ACTR1A: variants seen among roughly 807,000 people sequenced by gnomAD.
ACTR1A encodes the protein actin related protein 1A.
ACTR1A carries 10 observed loss-of-function variants against 50.7 expected under a neutral mutation model. The observed-to-expected ratio is 0.20, with a 90% CI of 0.12 to 0.33. The LOEUF is 0.33. Among genes scored for constraint, ACTR1A ranks in the 10% least tolerant of loss-of-function variants. The pLI is 1.00. For synonymous variants in ACTR1A, 177 were observed against 184.2 expected (o/e 0.96, Z 0.32); for missense variants, 253 against 491.7 (o/e 0.51, Z 4.59).
intron 2 of ACTR1A, among the ~76,000 whole-genome samples, chr10:102,490,158 G>A (rs1228212921): frequency 5.3e-5 from 8 of 150,494 alleles, no homozygotes; most frequent in Non-Finnish European, 8.9e-5. Flanking sequence ...GTGTGAACCC[G>A]GGATGCAGAG....
At chr10:102,485,484 A>C in intron 5 of ACTR1A, 125 bp downstream of exon 5, 4 of 1,321,086 alleles carry the variant, frequency 3.0e-6, no homozygotes, top group Non-Finnish European at 4.1e-6. Flanking sequence ...CTTTCCCACC[A>C]TCTTTAACCT....
chr10:102,488,755 T>A lies in ACTR1A; in HGVS notation c.189+308A>T, dbSNP rs1053650944. Reference sequence around the variant, plus strand: ...CACTGAATATTTTTTGTGAAAAAAATAATAAACACAGTAAATTTGATCACT... The same window carrying A: ...CACTGAATATTTTTTGTGAAAAAAAAAATAAACACAGTAAATTTGATCACT... On this transcript the variant is annotated intron_variant, in intron 3 of 10. Transcript: ENST00000369905. The surrounding 1 kb of genome is among the most constrained non-coding windows in gnomAD (Gnocchi z 4.4). Among the ~76,000 whole-genome samples the A allele has an allele frequency of 2.0e-5, 3 of 152,152 alleles. No individual in the cohort carries two copies. Among genetic ancestry groups the A allele is most frequent in the African/African-American group, 7.2e-5 (3 of 41,436 alleles).
At chr10:102,487,451 G>A (rs944466470) in intron 4 of ACTR1A, among the ~76,000 whole-genome samples, 1 of 152,018 alleles carries the variant, frequency 6.6e-6, no homozygotes, top group South Asian at 2.1e-4. Context: ...ATGGTGGGGG[G>A]TGGGGCTGAG....
chr10:102,501,329 C>A (rs1425468308), intron 1 of ACTR1A, among the ~76,000 whole-genome samples: 1 of 152,142 alleles, frequency 6.6e-6, no homozygotes, highest in East Asian at 1.9e-4. Flanking sequence ...TTCCTATCTA[C>A]CTAACAGAGC....
chr10:102,494,800 ATTAATTTTAATT>A (rs568785295), intron 1 of ACTR1A, among the ~76,000 whole-genome samples: 1 of 152,084 alleles, frequency 6.6e-6, no homozygotes, highest in Non-Finnish European at 1.5e-5. Context: ...TCTACAAAAT[ATTAATTTTAATT>A]TTAATTTTAA....
intron 1 of ACTR1A, among the ~76,000 whole-genome samples, chr10:102,494,838 G>C (rs1182474615): frequency 6.6e-6 from 1 of 152,078 alleles, no homozygotes; most frequent in African/African-American, 2.4e-5. Flanking sequence ...TTGAGATGGA[G>C]TCTGGCTCTG....
intron 2 of ACTR1A, 50 bp downstream of exon 2, chr10:102,490,491 CTGGGCCTG>C: frequency 7.0e-7 from 1 of 1,431,068 alleles, no homozygotes; most frequent in Middle Eastern, 1.8e-4. Context: ...CCTTATAGGG[CTGGGCCTG>C]TAACAAAGCT....
At chr10:102,487,341 G>A (rs2135582718) in intron 4 of ACTR1A, among the ~76,000 whole-genome samples, 1 of 152,230 alleles carries the variant, frequency 6.6e-6, no homozygotes, top group African/African-American at 2.4e-5. Flanking sequence ...TTGAATCCGG[G>A]AGGCAGAGGT....
In ACTR1A at chr10:102,483,347, C is replaced by T. The variant is rs2062152684; in HGVS notation, c.658-244G>A. The T allele has an allele frequency of 8.5e-6, 4 of 469,774 alleles. No individual in the cohort carries two copies. In the East Asian group the frequency reaches 1.5e-4, roughly 18 times the overall value. 29.1% of individuals were successfully genotyped at this position (469,774 alleles called of 1,614,324 possible). On this transcript the variant is annotated intron_variant, in intron 6 of 10. Transcript: ENST00000369905. The stretch of plus-strand genomic sequence containing the variant: ...ATGGGCAAGCTTGGAAACTTGGCCC[C>T]TGGATCCTAGGTCTGAGACCACAAC...
In ACTR1A at chr10:102,479,491, G is replaced by A; in HGVS notation, c.*1372C>T. The A allele has an allele frequency of 1.7e-6, 1 of 605,298 alleles. No individual in the cohort carries two copies. Among genetic ancestry groups the A allele is most frequent in the South Asian group, 1.7e-5 (1 of 58,584 alleles). The allele number at this position is 605,298 out of a possible 1,614,324, so 37.5% of individuals were successfully genotyped here. A position where few individuals can be genotyped will look rare whatever the true frequency, so the allele number is the denominator to read the frequency against. On this transcript the variant is annotated 3_prime_UTR_variant, in exon 11 of 11. Transcript: ENST00000369905. This position sits in a 1 kb window ranked among gnomAD's most constrained non-coding sequence, Gnocchi z 4.0. ...GATTGGGGTGGGTCTTGGTGTCACA[G>A]GTGAGGGTGCCGGTGAAGACAGGCT...
In ACTR1A at chr10:102,485,693, T is replaced by C; in HGVS notation, c.356A>G (p.Lys119Arg). 1.2e-6 allele frequency: 2 copies of C among 1,614,098 alleles called. No individual in the cohort carries two copies. The highest frequency in any genetic ancestry group is 1.3e-5 in the African/African-American group (1 of 75,054). The change falls in exon 5 of 11, where the codon AAA becomes AGA. Residue 119 changes from lysine (K) to arginine (R), a missense_variant. Physicochemically the swap from Lys to Arg is conservative, Grantham distance 26. This residue lies in a region of ACTR1A where 96 missense variants were observed against 238.7 expected (regional missense o/e 0.40). Transcript: ENST00000369905. ...AACTTCGGCAGCTCGTTCCCGGTTT[T>C]TTCGTGGGTTTAAAGGCGCCTCAGT... ...LLTEAPLNPRKNRERAAEVFF... is the reference protein window; with the variant it reads ...LLTEAPLNPRRNRERAAEVFF...
intron 1 of ACTR1A, among the ~76,000 whole-genome samples, chr10:102,498,919 T>A (rs1038378406): frequency 6.6e-6 from 1 of 152,172 alleles, no homozygotes; most frequent in African/African-American, 2.4e-5. Flanking sequence ...TTTTAAAAAA[T>A]ATCTATCATC....
chr10:102,480,091 A>G lies in ACTR1A; in HGVS notation c.*772T>C, dbSNP rs1465725266. ...AACTGAACAAACACTTCAATAAATA[A>G]AACGGTTTGAAGATGGCATTGCAAC... On this transcript the variant is annotated 3_prime_UTR_variant, in exon 11 of 11. Coordinates refer to ENST00000369905, the MANE Select transcript of ACTR1A (RefSeq NM_005736.4). The G allele has an allele frequency of 6.2e-6, 1 of 160,318 alleles. No homozygotes were observed. Among genetic ancestry groups the G allele is most frequent in the Non-Finnish European group, 1.4e-5 (1 of 72,390 alleles). 9.9% of individuals were successfully genotyped at this position (160,318 alleles called of 1,614,324 possible). A position where few individuals can be genotyped will look rare whatever the true frequency, so the allele number is the denominator to read the frequency against.
chr10:102,487,042 A>G (rs2062172501), intron 4 of ACTR1A, among the ~76,000 whole-genome samples: 1 of 151,764 alleles, frequency 6.6e-6, no homozygotes, highest in Admixed American at 6.6e-5. Context: ...AGATCCACCC[A>G]AAGTGCTGGG....
intron 1 of ACTR1A, among the ~76,000 whole-genome samples, chr10:102,495,026 G>T (rs2062213548): frequency 6.6e-6 from 1 of 151,952 alleles, no homozygotes; most frequent in Non-Finnish European, 1.5e-5. Context: ...GGCCAGGCTG[G>T]TCTCGAACTC....
At chr10:102,494,913 C>T (rs2062213052) in intron 1 of ACTR1A, among the ~76,000 whole-genome samples, 1 of 152,080 alleles carries the variant, frequency 6.6e-6, no homozygotes, top group South Asian at 2.1e-4. Context: ...TGGATTTAAG[C>T]GATAGTCCTG....
rs2062149308 is a variant in ACTR1A at position 102,482,630 on chromosome 10, C to G, written c.750+381G>C. 3.5e-6 allele frequency: 1 copy of G among 283,478 alleles called. No individual in the cohort carries two copies. Among genetic ancestry groups the G allele is most frequent in the Admixed American group, 4.9e-5 (1 of 20,446 alleles). 17.6% of individuals were successfully genotyped at this position (283,478 alleles called of 1,614,324 possible). ...TTCTGGCTGCCTCCTCTGCAGGAGACAGGGCCACTCATGCTCAGGAGCTCT... is the reference window on the plus strand; with the variant it reads ...TTCTGGCTGCCTCCTCTGCAGGAGAGAGGGCCACTCATGCTCAGGAGCTCT... On this transcript the variant is annotated intron_variant, in intron 7 of 10. Transcript: ENST00000369905. The surrounding 1 kb of genome is among the most constrained non-coding windows in gnomAD (Gnocchi z 5.6).
chr10:102,480,720 C>T lies in ACTR1A; in HGVS notation c.*143G>A. Reference sequence around the variant, plus strand: ...CCTTTCTGGGCCCAGGGTCCCAGGGCCACACGGCACTCGCATGTGCACACA... The same window carrying T: ...CCTTTCTGGGCCCAGGGTCCCAGGGTCACACGGCACTCGCATGTGCACACA... On this transcript the variant is annotated 3_prime_UTR_variant, in exon 11 of 11. Transcript: ENST00000369905. 1 of 726,416 alleles carries T rather than the reference C, an allele frequency of 1.4e-6. No homozygotes were observed. Among genetic ancestry groups the T allele is most frequent in the Non-Finnish European group, 2.4e-6 (1 of 412,362 alleles). The allele number at this position is 726,416 out of a possible 1,614,324, so 45.0% of individuals were successfully genotyped here.
intron 1 of ACTR1A, among the ~76,000 whole-genome samples, chr10:102,494,557 G>C (rs1471267821): frequency 6.6e-6 from 1 of 152,208 alleles, no homozygotes; most frequent in Non-Finnish European, 1.5e-5. Flanking sequence ...TTGAGTCTGG[G>C]AGGTCAAGGC....
Sources: gnomAD v4.1 joint callset for allele counts (sites outside exome capture counted in the v4.1 genomes callset) on GRCh38, gnomAD v4.1.1 for gene constraint, gnomAD v4.1.1 regional missense constraint, Gnocchi (gnomAD v3.1) non-coding constraint, MANE v1.5 for transcripts, NCBI Gene and HGNC (gene_info 2026-07-23, HGNC 2026-07-21) for gene names.